Variants in NALF1 observed in about 807,000 individuals in gnomAD.
NALF1 encodes the protein NALCN channel auxiliary factor 1, also known as family with sequence similarity 155 member A.
A neutral mutation model predicts 48.4 loss-of-function variants in NALF1; 3 were observed. The ratio of observed to expected loss-of-function variants is 0.06; its 90% CI spans 0.03 to 0.16. NALF1 has a LOEUF of 0.16. Among genes scored for constraint, NALF1 ranks in the 10% least tolerant of loss-of-function variants. NALF1 has a pLI of 1.00. For missense variants in NALF1, 526 were observed against 571.5 expected (o/e 0.92, Z 0.81); for synonymous variants, 262 against 245.7 (o/e 1.07, Z -0.62).
rs1275135902 is a variant in NALF1, at chr13:107,288,571, G to A, written c.916-77816C>T. Among the ~76,000 whole-genome samples the A allele has an allele frequency of 2.4e-5, 3 of 123,496 alleles. No homozygotes were observed. The Admixed American group carries it at 3.0e-4, about 12-fold the overall frequency. The allele number at this position is 123,496 out of a possible 152,430, so 81.0% of individuals were successfully genotyped here. ...ATGGTGTCTCGCTCTTGCTCTTGTT[G>A]CCCAGGCTGGAGTGCAATGGTGCGA... On this transcript the variant is annotated intron_variant, in intron 1 of 2. Transcript: ENST00000375915.
intron 1 of NALF1, among the ~76,000 whole-genome samples, chr13:107,356,744 A>C (rs1362483186): frequency 1.3e-5 from 2 of 152,212 alleles, no homozygotes; most frequent in Non-Finnish European, 2.9e-5. Context: ...CAGAAAACAA[A>C]AGTAGCTAAA....
At chr13:107,268,049 C>T (rs574909335) in intron 1 of NALF1, among the ~76,000 whole-genome samples, 57 of 139,692 alleles carry the variant, frequency 4.1e-4, no homozygotes, top group Admixed American at 5.5e-4. Flanking sequence ...AGTAGTGGCG[C>T]GATCTCGGCT....
chr13:107,505,603 G>C (rs1875672216), intron 1 of NALF1, among the ~76,000 whole-genome samples: 1 of 152,152 alleles, frequency 6.6e-6, no homozygotes, highest in Admixed American at 6.5e-5. Context: ...TGACAACCGG[G>C]AATGAGGAAG....
intron 1 of NALF1, among the ~76,000 whole-genome samples, chr13:107,337,132 A>G (rs1245310050): frequency 4.0e-5 from 6 of 151,116 alleles, no homozygotes; most frequent in Non-Finnish European, 7.4e-5. Context: ...TCCACTTTGG[A>G]AAATGTAAGT....
intron 1 of NALF1, among the ~76,000 whole-genome samples, chr13:107,564,947 C>T (rs908005766): frequency 2.0e-5 from 3 of 151,512 alleles, no homozygotes; most frequent in Admixed American, 6.6e-5. Flanking sequence ...ACTGGGACCA[C>T]GTGCGGCCAC....
chr13:107,271,774 C>CTA (rs397838456), intron 1 of NALF1, among the ~76,000 whole-genome samples: 403 of 27,482 alleles, frequency 0.015, 4 homozygotes, highest in African/African-American at 0.036. Context: ...TGCTACTGGA[C>CTA]TATATATATA....
At chr13:107,849,564 T>G (rs567875754) in intron 1 of NALF1, among the ~76,000 whole-genome samples, 1 of 152,060 alleles carries the variant, frequency 6.6e-6, no homozygotes, top group African/African-American at 2.4e-5. Context: ...TTCCTAGCAG[T>G]GTGCTGGCCT....
intron 1 of NALF1, among the ~76,000 whole-genome samples, chr13:107,257,660 T>C (rs749786624): frequency 5.9e-5 from 9 of 152,154 alleles, no homozygotes; most frequent in Non-Finnish European, 1.0e-4. Flanking sequence ...CCATTTCCCA[T>C]CACTGGAGGC....
At chr13:107,550,625 A>C (rs1313374211) in intron 1 of NALF1, among the ~76,000 whole-genome samples, 2 of 152,130 alleles carry the variant, frequency 1.3e-5, no homozygotes, top group African/African-American at 4.8e-5. Flanking sequence ...CTTCTTGAAT[A>C]CTAAAAGGGG....
At chr13:107,747,357 G>T (rs1397731871) in intron 1 of NALF1, among the ~76,000 whole-genome samples, 3 of 152,110 alleles carry the variant, frequency 2.0e-5, no homozygotes, top group Non-Finnish European at 4.4e-5. Context: ...CTTCTTTTGG[G>T]ATGCTCAAAC....
intron 1 of NALF1, among the ~76,000 whole-genome samples, chr13:107,578,939 T>A (rs749879883): frequency 6.6e-6 from 1 of 152,198 alleles, no homozygotes; most frequent in African/African-American, 2.4e-5. Context: ...ATCTTCCATG[T>A]ATAAGCCATC....
At chr13:107,389,366 G>A (rs555051424) in intron 1 of NALF1, among the ~76,000 whole-genome samples, 2 of 152,330 alleles carry the variant, frequency 1.3e-5, no homozygotes, top group South Asian at 4.1e-4. Context: ...GGGCATTAGA[G>A]TGGACCCTAA....
chr13:107,284,896 C>A (rs1236361374), intron 1 of NALF1, among the ~76,000 whole-genome samples: 4 of 134,248 alleles, frequency 3.0e-5, no homozygotes, highest in African/African-American at 5.4e-5. Flanking sequence ...ATTGTTTGAG[C>A]CACCCATCCT....
rs867188568 is a variant in NALF1 at position 107,325,891 on chromosome 13, C to T, written c.916-115136G>A. On this transcript the variant is annotated intron_variant, in intron 1 of 2. Coordinates refer to ENST00000375915, the MANE Select transcript of NALF1 (RefSeq NM_001080396.3). ...ATATATATATATATATATATATACA[C>T]ACACACACACACACACATATATACA... Among the ~76,000 whole-genome samples the T allele has an allele frequency of 8.8e-3, 700 of 79,710 alleles. 3 individuals are homozygous for T. Among genetic ancestry groups the T allele is most frequent in the Admixed American group, 0.014 (116 of 8,108 alleles). 52.3% of individuals were successfully genotyped at this position (79,710 alleles called of 152,430 possible).
At chr13:107,323,117 C>A (rs967309353) in intron 1 of NALF1, among the ~76,000 whole-genome samples, 1 of 152,018 alleles carries the variant, frequency 6.6e-6, no homozygotes, top group African/African-American at 2.4e-5. Context: ...AAGCAAGGAC[C>A]AGTTAAGAGA....
At chr13:107,593,036 CT>C (rs1878640994) in intron 1 of NALF1, among the ~76,000 whole-genome samples, 1 of 151,778 alleles carries the variant, frequency 6.6e-6, no homozygotes, top group Non-Finnish European at 1.5e-5. Flanking sequence ...CAAAGGTCAT[CT>C]TTTAATATAT....
At position 107,164,668 on chromosome 13, in the gene NALF1, G is replaced by A. The variant is rs1878622414; in HGVS notation, c.*5829C>T. On this transcript the variant is annotated 3_prime_UTR_variant, in exon 3 of 3. Coordinates refer to ENST00000375915, the MANE Select transcript of NALF1 (RefSeq NM_001080396.3). ...CTTTTGGGAGTGGAAATCGAAAATA[G>A]CCAATGCTGTTTATATTAAAAGTCA... The A allele has an allele frequency of 6.6e-6, 1 of 151,888 alleles. No individual in the cohort carries two copies. Among genetic ancestry groups the A allele is most frequent in the African/African-American group, 2.4e-5 (1 of 41,330 alleles). 9.4% of individuals were successfully genotyped at this position (151,888 alleles called of 1,614,324 possible). A position where few individuals can be genotyped will look rare whatever the true frequency, so the allele number is the denominator to read the frequency against.
intron 1 of NALF1, among the ~76,000 whole-genome samples, chr13:107,677,719 T>TTTA (rs10676944): frequency 0.028 from 4,307 of 152,282 alleles, 227 homozygotes; most frequent in East Asian, 0.23. Context: ...TTTAAAATTT[T>TTTA]TTATCATCCA....
chr13:107,669,977 T>G (rs1880952790), intron 1 of NALF1, among the ~76,000 whole-genome samples: 1 of 152,148 alleles, frequency 6.6e-6, no homozygotes, highest in Non-Finnish European at 1.5e-5. Flanking sequence ...TTGGCTTCAC[T>G]CTATAATTTT....
Sources: allele counts gnomAD v4.1 joint callset (sites outside exome capture counted in the v4.1 genomes callset), GRCh38; gene constraint gnomAD v4.1.1; transcripts MANE v1.5; gene names NCBI Gene and HGNC (gene_info 2026-07-23, HGNC 2026-07-21).